GFRA1: variants seen among roughly 807,000 people sequenced by gnomAD.
The protein encoded by GFRA1 is GDNF family receptor alpha 1.
GFRA1 carries 16 observed loss-of-function variants against 51.6 expected under a neutral mutation model. The observed-to-expected ratio is 0.31, with a 90% CI of 0.21 to 0.47. The LOEUF (loss-of-function observed/expected upper bound fraction) is 0.47. Among genes scored for constraint, GFRA1 ranks in the 20% least tolerant of loss-of-function variants. The probability of loss-of-function intolerance (pLI) is 1.00; values close to 1 mark genes in which losing one functional copy is unlikely to be tolerated. For synonymous variants in GFRA1, 270 were observed against 241.3 expected (o/e 1.12, Z -1.10); for missense variants, 530 against 594.3 (o/e 0.89, Z 1.13).
intron 6 of GFRA1, among the ~76,000 whole-genome samples, chr10:116,100,601 C>G (rs897679926): frequency 8.5e-5 from 13 of 152,170 alleles, no homozygotes; most frequent in African/African-American, 2.4e-4. Flanking sequence ...ATCTTAAAAG[C>G]AGTGGAAGCC....
intron 5 of GFRA1, among the ~76,000 whole-genome samples, chr10:116,135,960 G>A (rs868039267): frequency 2.6e-5 from 4 of 152,054 alleles, no homozygotes; most frequent in African/African-American, 9.7e-5. Flanking sequence ...CATGAAATTT[G>A]CTATTACATG....
At chr10:116,208,112 C>G (rs1446490923) in intron 5 of GFRA1, among the ~76,000 whole-genome samples, 1 of 151,942 alleles carries the variant, frequency 6.6e-6, no homozygotes, top group Non-Finnish European at 1.5e-5. Context: ...CCTTCACTCA[C>G]GAGCTCCAGA....
At chr10:116,268,733 GTAAA>G (rs1459332591) in intron 4 of GFRA1, among the ~76,000 whole-genome samples, 3 of 152,096 alleles carry the variant, frequency 2.0e-5, no homozygotes, top group African/African-American at 7.2e-5. Context: ...TGTCTAAACT[GTAAA>G]TAAATAAAGA....
intron 5 of GFRA1, among the ~76,000 whole-genome samples, chr10:116,163,934 G>A (rs890543486): frequency 2.0e-5 from 3 of 152,180 alleles, no homozygotes; most frequent in Non-Finnish European, 2.9e-5. Flanking sequence ...CAGATCTTGC[G>A]CAATGTCAGC....
intron 4 of GFRA1, among the ~76,000 whole-genome samples, chr10:116,233,735 C>T (rs1198100467): frequency 2.0e-5 from 3 of 152,236 alleles, no homozygotes; most frequent in Non-Finnish European, 4.4e-5. Flanking sequence ...TTCTGCTCAA[C>T]TGGCTTATTC....
At chr10:116,182,334 G>T (rs1167250346) in intron 5 of GFRA1, among the ~76,000 whole-genome samples, 1 of 152,166 alleles carries the variant, frequency 6.6e-6, no homozygotes, top group Non-Finnish European at 1.5e-5. Flanking sequence ...ACCATACAAA[G>T]AAAACATGTA....
intron 10 of GFRA1, among the ~76,000 whole-genome samples, 160 bp from the exon 11 acceptor site, chr10:116,064,704 T>C (rs1955015252): frequency 6.6e-6 from 1 of 152,224 alleles, no homozygotes. Context: ...CTTGTAGTTT[T>C]ATGGGAAGAA....
At chr10:116,176,429 G>A (rs1168891706) in intron 5 of GFRA1, among the ~76,000 whole-genome samples, 7 of 152,040 alleles carry the variant, frequency 4.6e-5, no homozygotes, top group Non-Finnish European at 7.3e-5. Context: ...CTGATGGCTC[G>A]GTGCTGTCCT....
rs778586481 is a variant in GFRA1 at position 116,125,566 on chromosome 10, G to A, written c.434-9C>T. ...TTTGGGAATGTGCTCCACTGCAAAT[G>A]CAGAGAAAGACAGGCATGGTCACAG... is the stretch of plus-strand genomic sequence containing the variant. On this transcript the variant is annotated splice_polypyrimidine_tract_variant and intron_variant, in intron 5 of 10. Transcript: ENST00000355422. 25 of 1,606,590 alleles carry A rather than the reference G, an allele frequency of 1.6e-5. No homozygotes were observed. In the South Asian group the frequency reaches 2.8e-4, roughly 18 times the overall value.
intron 5 of GFRA1, among the ~76,000 whole-genome samples, chr10:116,197,670 G>A (rs536981802): frequency 6.6e-6 from 1 of 152,310 alleles, no homozygotes; most frequent in South Asian, 2.1e-4. Context: ...AGGTGGACAT[G>A]AATTTTGTGG....
At chr10:116,240,110 G>A (rs765599998) in intron 4 of GFRA1, among the ~76,000 whole-genome samples, 12 of 151,948 alleles carry the variant, frequency 7.9e-5, no homozygotes, top group Non-Finnish European at 1.6e-4. Context: ...TTTCATATCT[G>A]GTTCATCAAG....
chr10:116,089,701 G>A (rs772115881), intron 9 of GFRA1, 40 bp downstream of exon 9: 2 of 1,568,720 alleles, frequency 1.3e-6, no homozygotes, highest in Admixed American at 1.7e-5. Flanking sequence ...CCCCCCACCA[G>A]GAAGGGAGCC....
intron 5 of GFRA1, among the ~76,000 whole-genome samples, chr10:116,133,896 G>A (rs1958209494): frequency 6.6e-6 from 1 of 152,174 alleles, no homozygotes; most frequent in Non-Finnish European, 1.5e-5. Flanking sequence ...CTGGAGCAAG[G>A]AACTGCCTTT....
At chr10:116,134,912 C>T (rs1328563441) in intron 5 of GFRA1, among the ~76,000 whole-genome samples, 2 of 152,190 alleles carry the variant, frequency 1.3e-5, no homozygotes, top group African/African-American at 4.8e-5. Context: ...GTGCAAGTCA[C>T]ATGCTTGCTG....
At chr10:116,273,267 G>A (rs1171063262), upstream of GFRA1, 1 of 151,074 alleles carries the variant, frequency 6.6e-6, no homozygotes, top group Non-Finnish European at 1.5e-5. Context: ...TTCCCTTTCC[G>A]GGCTCACTTT....
intron 4 of GFRA1, among the ~76,000 whole-genome samples, chr10:116,232,529 T>C (rs147272820): frequency 4.0e-5 from 6 of 151,570 alleles, no homozygotes; most frequent in African/African-American, 1.5e-4. Context: ...CTAATCCTGG[T>C]GTTTAATGAT....
chr10:116,232,482 T>G (rs1343437977), intron 4 of GFRA1, among the ~76,000 whole-genome samples: 1 of 142,736 alleles, frequency 7.0e-6, no homozygotes, highest in Non-Finnish European at 1.5e-5. Context: ...CCTTTTAAGA[T>G]ACTTGAATGT....
At chr10:116,137,133 C>T (rs562611066) in intron 5 of GFRA1, among the ~76,000 whole-genome samples, 2 of 152,284 alleles carry the variant, frequency 1.3e-5, no homozygotes, top group Middle Eastern at 3.4e-3. Flanking sequence ...CAAAAAGATG[C>T]CACCAGAAGG....
At chr10:116,115,646 C>T (rs1172051521) in intron 6 of GFRA1, among the ~76,000 whole-genome samples, 2 of 152,168 alleles carry the variant, frequency 1.3e-5, no homozygotes, top group African/African-American at 4.8e-5. Flanking sequence ...AGGCTATTGA[C>T]GTCTTCCTTC....
Sources: allele counts gnomAD v4.1 joint callset (sites outside exome capture counted in the v4.1 genomes callset), GRCh38; gene constraint gnomAD v4.1.1; transcripts MANE v1.5; gene names NCBI Gene and HGNC (gene_info 2026-07-23, HGNC 2026-07-21).